The following ITPR1 variants were observed in gnomAD, a reference collection of about 807,000 sequenced individuals.
ITPR1 encodes inositol 1,4,5-trisphosphate-gated calcium channel ITPR1.
ITPR1 carries 96 observed loss-of-function variants against 318.4 expected under a neutral mutation model. The observed-to-expected ratio is 0.30, with a 90% CI of 0.26 to 0.36. The LOEUF (loss-of-function observed/expected upper bound fraction) is 0.36, where lower values mean the gene tolerates loss of function less well. Among genes scored for constraint, ITPR1 ranks in the 10% least tolerant of loss-of-function variants. The pLI is 1.00. For missense variants in ITPR1, 2,440 were observed against 3,460.2 expected (o/e 0.71, Z 7.40); for synonymous variants, 1,312 against 1,289.9 (o/e 1.02, Z -0.37).
intron 4 of ITPR1, among the ~76,000 whole-genome samples, chr3:4,553,198 G>A (rs11130059): frequency 0.15 from 22,472 of 152,088 alleles, 2,150 homozygotes; most frequent in Non-Finnish European, 0.21. Flanking sequence ...ATATTAAGCC[G>A]GGCAACAAAG....
intron 2 of ITPR1, among the ~76,000 whole-genome samples, chr3:4,504,043 C>G (rs1361281313): frequency 2.0e-5 from 3 of 152,002 alleles, no homozygotes; most frequent in Non-Finnish European, 2.9e-5. Context: ...TTTGTTTTTT[C>G]TACCCGTAAA....
chr3:4,528,323 C>T (rs372370267), intron 4 of ITPR1, among the ~76,000 whole-genome samples: 3 of 152,186 alleles, frequency 2.0e-5, no homozygotes, highest in Non-Finnish European at 4.4e-5. Flanking sequence ...TTACAGGTCT[C>T]TTTGTCAAGA....
intron 24 of ITPR1, among the ~76,000 whole-genome samples, chr3:4,679,536 C>T (rs1248649419): frequency 6.6e-6 from 1 of 152,202 alleles, no homozygotes; most frequent in Non-Finnish European, 1.5e-5. Context: ...TTCGGTCTTC[C>T]TCCACCTGTT....
At chr3:4,714,258 A>G (rs777012266) in intron 39 of ITPR1, among the ~76,000 whole-genome samples, 6 of 152,180 alleles carry the variant, frequency 3.9e-5, no homozygotes, top group East Asian at 1.9e-4. Context: ...GCTTGAGTCA[A>G]TATAATAAAT....
intron 2 of ITPR1, among the ~76,000 whole-genome samples, chr3:4,508,243 C>T (rs1026344342): frequency 6.6e-6 from 1 of 152,118 alleles, no homozygotes; most frequent in African/African-American, 2.4e-5. Context: ...AGGAGGCTTG[C>T]CTTTGTGTCT....
intron 44 of ITPR1, 59 bp downstream of exon 44, chr3:4,735,413 T>C: frequency 1.4e-6 from 2 of 1,430,786 alleles, no homozygotes; most frequent in South Asian, 2.3e-5. Context: ...GAGAGTCTGT[T>C]CTGGGAGCCA....
chr3:4,638,685 C>T (rs573619053), intron 5 of ITPR1, among the ~76,000 whole-genome samples: 34 of 152,278 alleles, frequency 2.2e-4, no homozygotes, highest in African/African-American at 7.9e-4. Flanking sequence ...CCCTTTCCTA[C>T]CCATCATCTA....
At chr3:4,713,605 C>T (rs979622067) in intron 39 of ITPR1, among the ~76,000 whole-genome samples, 5 of 152,276 alleles carry the variant, frequency 3.3e-5, no homozygotes, top group East Asian at 3.9e-4. Flanking sequence ...TCCCAGACCC[C>T]AGGGGATGCC....
chr3:4,710,244 T>A lies in ITPR1; in HGVS notation c.4843-81T>A, dbSNP rs1574962572. ...CCTAGCCTACCCGTGCATCAGTGTT[T>A]TAGGGCAGAAATCAATGTCCTCACC... On this transcript the variant is annotated intron_variant, in intron 37 of 61. Transcript: ENST00000649015. This position sits in a 1 kb window ranked among gnomAD's most constrained non-coding sequence, Gnocchi z 4.2. 1 of 1,348,714 alleles carries A rather than the reference T, an allele frequency of 7.4e-7. No homozygotes were observed. Among genetic ancestry groups the A allele is most frequent in the Admixed American group, 2.9e-5 (1 of 34,086 alleles). The allele number at this position is 1,348,714 out of a possible 1,614,324, so 83.5% of individuals were successfully genotyped here. A position where few individuals can be genotyped will look rare whatever the true frequency, so the allele number is the denominator to read the frequency against.
At chr3:4,770,804 A>G (rs532740426) in intron 46 of ITPR1, among the ~76,000 whole-genome samples, 1 of 152,320 alleles carries the variant, frequency 6.6e-6, no homozygotes, top group South Asian at 2.1e-4. Flanking sequence ...TCAAATGCTC[A>G]GGGCCTGGTT....
intron 13 of ITPR1, 125 bp from the exon 14 acceptor site, chr3:4,660,863 T>A: frequency 2.1e-6 from 1 of 470,958 alleles, no homozygotes. Flanking sequence ...TCGTGTATAC[T>A]GCCCAGTGTA....
In ITPR1 at chr3:4,779,532, C is replaced by T. The variant is rs372666620; in HGVS notation, c.6292-18C>T. On this transcript the variant is annotated intron_variant, in intron 48 of 61. Transcript: ENST00000649015. The surrounding 1 kb of genome is among the most constrained non-coding windows in gnomAD (Gnocchi z 4.0). ...AGCAGCCCCTCTACATTTCCTCTCCCTTTGTTTCTCCAACTAGAACAATGC... is the reference window on the plus strand; with the variant it reads ...AGCAGCCCCTCTACATTTCCTCTCCTTTTGTTTCTCCAACTAGAACAATGC... 6.2e-7 allele frequency: 1 copy of T among 1,601,946 alleles called. No individual in the cohort carries two copies. Among genetic ancestry groups the T allele is most frequent in the African/African-American group, 1.3e-5 (1 of 74,676 alleles).
Position 4,548,276 on chromosome 3 carries a change from T to C in ITPR1, c.163+27182T>C, listed in dbSNP as rs563595990. On this transcript the variant is annotated intron_variant, in intron 4 of 61. Transcript: ENST00000649015. ...TTCAGTTTTTCACCTTTGTACTGCA[T>C]TCAAACATCAAGTTTGGGTTGGTTA... Among the ~76,000 whole-genome samples, 53 of 152,326 alleles carry C rather than the reference T, an allele frequency of 3.5e-4. 1 individual carries two copies. Among genetic ancestry groups the C allele is most frequent in the African/African-American group, 1.2e-3 (49 of 41,572 alleles).
chr3:4,743,426 C>T (rs986332326), intron 44 of ITPR1, among the ~76,000 whole-genome samples: 2 of 152,210 alleles, frequency 1.3e-5, no homozygotes, highest in Non-Finnish European at 2.9e-5. Context: ...TAGCGCAGCT[C>T]TCTGAGTGAC....
At chr3:4,693,037 T>A (rs2094503776) in intron 32 of ITPR1, among the ~76,000 whole-genome samples, 1 of 152,164 alleles carries the variant, frequency 6.6e-6, no homozygotes, top group African/African-American at 2.4e-5. Flanking sequence ...GGAGAATCGC[T>A]TGAACCAACC....
chr3:4,510,148 T>C (rs1170885136), intron 2 of ITPR1, among the ~76,000 whole-genome samples: 1 of 151,632 alleles, frequency 6.6e-6, no homozygotes, highest in African/African-American at 2.4e-5. Flanking sequence ...CAAGTGGTGG[T>C]GGGAGAGGGA....
At chr3:4,644,471 C>T (rs759498893) in intron 8 of ITPR1, among the ~76,000 whole-genome samples, 2 of 152,154 alleles carry the variant, frequency 1.3e-5, no homozygotes, top group Non-Finnish European at 1.5e-5. Context: ...TGAAGCCTTG[C>T]GTCACTGAGG....
intron 2 of ITPR1, among the ~76,000 whole-genome samples, chr3:4,505,283 C>A (rs137885810): frequency 2.0e-3 from 310 of 152,316 alleles, no homozygotes; most frequent in African/African-American, 7.1e-3. Flanking sequence ...ACCTCCACCT[C>A]ATAGGTTCAT....
At chr3:4,665,002 C>A in intron 16 of ITPR1, 136 bp from the exon 17 acceptor site, 1 of 835,640 alleles carries the variant, frequency 1.2e-6, no homozygotes, top group Non-Finnish European at 2.0e-6. Context: ...ATGCAGTGTT[C>A]AGGTTATGGA....
Sources: gnomAD v4.1 joint callset for allele counts (sites outside exome capture counted in the v4.1 genomes callset) on GRCh38, gnomAD v4.1.1 for gene constraint, Gnocchi (gnomAD v3.1) non-coding constraint, MANE v1.5 for transcripts, NCBI Gene and HGNC (gene_info 2026-07-23, HGNC 2026-07-21) for gene names.